The following DCUN1D4 variants were observed in gnomAD, a reference collection of about 807,000 sequenced individuals.
DCUN1D4 encodes the protein defective in cullin neddylation 1 domain containing 4, also known as DCN1-like protein 4.
DCUN1D4 carries 22 observed loss-of-function variants against 47.9 expected under a neutral mutation model. The ratio of observed to expected loss-of-function variants is 0.46; its 90% CI spans 0.33 to 0.66. DCUN1D4 has a LOEUF of 0.66. Ranked by LOEUF, DCUN1D4 falls within the 30% of genes least tolerant of loss-of-function variation. DCUN1D4 has a pLI of 0.02. For synonymous variants in DCUN1D4, 121 were observed against 112.2 expected, an observed-to-expected ratio of 1.08 and a Z score of -0.50; for missense variants, 301 against 340.8, an observed-to-expected ratio of 0.88 and a Z score of 0.92.
intron 4 of DCUN1D4, 77 bp from the exon 5 acceptor site, chr4:51,877,685 TA>T: frequency 1.1e-6 from 1 of 876,982 alleles, no homozygotes. Flanking sequence ...CTGGTTTGGG[TA>T]AAAGAATATA....
intron 8 of DCUN1D4, among the ~76,000 whole-genome samples, chr4:51,902,856 CT>C (rs899929718): frequency 6.6e-6 from 1 of 151,866 alleles, no homozygotes; most frequent in African/African-American, 2.4e-5. Context: ...GCCTTATTAA[CT>C]TTTTTTTCCT....
At chr4:51,859,553 T>A (rs1207463052) in intron 1 of DCUN1D4, among the ~76,000 whole-genome samples, 1 of 149,626 alleles carries the variant, frequency 6.7e-6, no homozygotes, top group Non-Finnish European at 1.5e-5. Context: ...CCTAGAGTAG[T>A]TTGGGGGAAT....
chr4:51,909,227 A>G (rs1733345765), intron 8 of DCUN1D4, among the ~76,000 whole-genome samples: 1 of 151,972 alleles, frequency 6.6e-6, no homozygotes, highest in African/African-American at 2.4e-5. Flanking sequence ...TATCACAGCA[A>G]GACTAGAGAT....
intron 6 of DCUN1D4, 120 bp from the exon 7 acceptor site, chr4:51,891,640 T>C (rs1385304251): frequency 3.7e-5 from 27 of 733,330 alleles, no homozygotes; most frequent in Non-Finnish European, 5.8e-5. Flanking sequence ...TTTCAGTGAC[T>C]AAACTACTGT....
intron 6 of DCUN1D4, among the ~76,000 whole-genome samples, chr4:51,890,300 C>T (rs557321951): frequency 6.6e-6 from 1 of 152,264 alleles, no homozygotes; most frequent in South Asian, 2.1e-4. Flanking sequence ...TTCCTTTCAC[C>T]ATAGCCGCCA....
chr4:51,868,038 C>T (rs913684687), intron 3 of DCUN1D4, among the ~76,000 whole-genome samples: 24 of 152,226 alleles, frequency 1.6e-4, no homozygotes, highest in African/African-American at 5.8e-4. Context: ...AGCATTGCCC[C>T]AAGCATGTGC....
intron 1 of DCUN1D4, among the ~76,000 whole-genome samples, chr4:51,861,121 C>G (rs891978017): frequency 1.3e-5 from 2 of 152,170 alleles, no homozygotes; most frequent in Non-Finnish European, 2.9e-5. Context: ...AACCATACAA[C>G]AACATTATGA....
chr4:51,859,006 A>G (rs1724581009), intron 1 of DCUN1D4, among the ~76,000 whole-genome samples: 1 of 152,146 alleles, frequency 6.6e-6, no homozygotes, highest in Admixed American at 6.6e-5. Context: ...CTTTTTCAAC[A>G]ATTTCTTGGC....
At chr4:51,837,949 G>A in the DCUN1D4 span, among the ~76,000 whole-genome samples, 802 of 152,190 alleles carry the variant, frequency 5.3e-3, 5 homozygotes, top group East Asian at 0.018. Context: ...GGCTTGAGGC[G>A]GGCAGATCAC....
intron 7 of DCUN1D4, among the ~76,000 whole-genome samples, chr4:51,897,008 G>T (rs899965077): frequency 9.2e-5 from 14 of 152,170 alleles, no homozygotes; most frequent in African/African-American, 3.4e-4. Context: ...AAGTCTGTTG[G>T]ACTTACCATA....
Position 51,910,900 on chromosome 4 carries a change from T to C in DCUN1D4, c.616-170T>C, listed in dbSNP as rs1733628089. The stretch of plus-strand genomic sequence containing the variant: ...AATATCGTAATGCCCAAGCCTTCCA[T>C]TGTGTTTGACTACCTCCCCTCCCTA... On this transcript the variant is annotated intron_variant, in intron 8 of 10. Transcript: ENST00000334635. 4.9e-6 allele frequency: 3 copies of C among 616,438 alleles called. No individual in the cohort carries two copies. The South Asian group carries it at 6.0e-5, about 12-fold the overall frequency. The allele number at this position is 616,438 out of a possible 1,614,324, so 38.2% of individuals were successfully genotyped here. A position where few individuals can be genotyped will look rare whatever the true frequency, so the allele number is the denominator to read the frequency against.
chr4:51,884,149 G>T (rs1729104242), intron 5 of DCUN1D4, among the ~76,000 whole-genome samples: 3 of 152,162 alleles, frequency 2.0e-5, no homozygotes, highest in Admixed American at 2.0e-4. Context: ...GGAAAATAAT[G>T]GCAACAAGAA....
intron 6 of DCUN1D4, among the ~76,000 whole-genome samples, chr4:51,890,070 C>T (rs954523499): frequency 4.8e-5 from 6 of 125,758 alleles, no homozygotes; most frequent in South Asian, 5.3e-4. Flanking sequence ...CAGCATCAAG[C>T]GAAAGCTTCT....
rs17085192 is a variant in DCUN1D4 at position 51,845,548 on chromosome 4, G to A, written c.25+2281G>A. On this transcript the variant is annotated intron_variant, in intron 1 of 10. Transcript: ENST00000334635. Reference sequence around the variant, plus strand: ...ATACTAGAAACCTTCCTCTCCATAAGTAGACTCCCTAAACGTCACATCCTT... The same window carrying A: ...ATACTAGAAACCTTCCTCTCCATAAATAGACTCCCTAAACGTCACATCCTT... 7.9e-3 allele frequency among the ~76,000 whole-genome samples: 1,203 copies of A among 152,250 alleles called. 11 individuals are homozygous for A. The highest frequency in any genetic ancestry group is 0.024 in the Middle Eastern group (7 of 294).
intron 8 of DCUN1D4, among the ~76,000 whole-genome samples, chr4:51,904,672 G>A (rs1224390821): frequency 4.6e-5 from 7 of 152,098 alleles, no homozygotes; most frequent in African/African-American, 1.7e-4. Flanking sequence ...TGTGTTGCCT[G>A]TTTTTCATCA....
intron 1 of DCUN1D4, chr4:51,860,717 C>A: frequency 2.2e-6 from 1 of 447,228 alleles, no homozygotes; most frequent in South Asian, 1.6e-5. Flanking sequence ...AGAACTCACT[C>A]ACTGTCTCAA....
chr4:51,858,413 G>T (rs1164120751), intron 1 of DCUN1D4, among the ~76,000 whole-genome samples: 1 of 152,152 alleles, frequency 6.6e-6, no homozygotes, highest in African/African-American at 2.4e-5. Flanking sequence ...TGAACAAGGG[G>T]AAGATGAGTA....
chr4:51,893,187 C>G lies in DCUN1D4; in HGVS notation c.506+1336C>G, dbSNP rs192359951. On this transcript the variant is annotated intron_variant, in intron 7 of 10. Transcript: ENST00000334635. Reference sequence around the variant, plus strand: ...AGACTTCTGATTCTTAAATCACATTCTTCCTTCTAACAATATTATCTGATG... The same window carrying G: ...AGACTTCTGATTCTTAAATCACATTGTTCCTTCTAACAATATTATCTGATG... Among the ~76,000 whole-genome samples the G allele has an allele frequency of 1.3e-3, 193 of 152,266 alleles. 2 individuals carry two copies. Among genetic ancestry groups the G allele is most frequent in the Non-Finnish European group, 9.7e-4 (66 of 68,008 alleles).
upstream of DCUN1D4, chr4:51,843,036 G>A (rs567679249): frequency 7.3e-7 from 1 of 1,367,244 alleles, no homozygotes; most frequent in East Asian, 3.0e-5. Context: ...CTCCAGACCG[G>A]CGCTATGGGC....
Sources: gnomAD v4.1 joint callset for allele counts (sites outside exome capture counted in the v4.1 genomes callset) on GRCh38, gnomAD v4.1.1 for gene constraint, MANE v1.5 for transcripts, NCBI Gene and HGNC (gene_info 2026-07-23, HGNC 2026-07-21) for gene names.